Variants in ADCY9 observed in about 807,000 individuals in gnomAD.
ADCY9 encodes the protein adenylate cyclase type 9.
ADCY9 carries 50 observed loss-of-function variants against 101.5 expected under a neutral mutation model. The observed-to-expected ratio is 0.49, with a 90% confidence interval of 0.39 to 0.62. The LOEUF (loss-of-function observed/expected upper bound fraction) is 0.62, where lower values mean the gene tolerates loss of function less well. ADCY9 is among the 20% of genes least tolerant of loss of function. The pLI, the probability that ADCY9 is intolerant of heterozygous loss-of-function variation, is 0.00. For synonymous variants in ADCY9, 905 were observed against 769.3 expected, an observed-to-expected ratio of 1.18 and a Z score of -2.92; for missense variants, 1,662 against 1,800.4, an observed-to-expected ratio of 0.92 and a Z score of 1.39.
At chr16:4,083,028 C>T (rs1052155856) in intron 2 of ADCY9, among the ~76,000 whole-genome samples, 2 of 152,144 alleles carry the variant, frequency 1.3e-5, no homozygotes, top group African/African-American at 4.8e-5. Flanking sequence ...AAGACATCTC[C>T]CACGTGGCAA....
chr16:4,006,054 G>T (rs893775558), intron 3 of ADCY9, among the ~76,000 whole-genome samples: 1 of 152,144 alleles, frequency 6.6e-6, no homozygotes, highest in Non-Finnish European at 1.5e-5. Context: ...TTACACATGT[G>T]CCAAGAGTAC....
intron 2 of ADCY9, among the ~76,000 whole-genome samples, chr16:4,065,277 A>C (rs1435077233): frequency 6.6e-6 from 1 of 152,194 alleles, no homozygotes; most frequent in Non-Finnish European, 1.5e-5. Flanking sequence ...TGCCCCGAAC[A>C]CGTGCATGCT....
At chr16:4,029,090 A>C (rs1222642201) in intron 2 of ADCY9, among the ~76,000 whole-genome samples, 1 of 152,058 alleles carries the variant, frequency 6.6e-6, no homozygotes. Flanking sequence ...GCCTAGCTAT[A>C]TATTTTTTAA....
intron 8 of ADCY9, among the ~76,000 whole-genome samples, chr16:3,978,401 C>T (rs2056111419): frequency 6.6e-6 from 1 of 152,216 alleles, no homozygotes; most frequent in Non-Finnish European, 1.5e-5. Flanking sequence ...TCCCTCTCCA[C>T]GGAGTTTAGC....
intron 2 of ADCY9, among the ~76,000 whole-genome samples, chr16:4,093,198 T>C (rs1016724933): frequency 2.0e-5 from 3 of 152,242 alleles, no homozygotes; most frequent in African/African-American, 7.2e-5. Flanking sequence ...GAAAATCCTC[T>C]GCTCTTCAGA....
Position 3,965,390 on chromosome 16 carries a change from T to C in ADCY9, c.*385A>G, listed in dbSNP as rs1393812680. ...CCAGAGAACCGAAAATAGTGTCTCG[T>C]GGGACGTGGGAAAAAGCAATAAAAA... On this transcript the variant is annotated 3_prime_UTR_variant, in exon 11 of 11. Transcript: ENST00000294016. 1 of 244,810 alleles carries C rather than the reference T, an allele frequency of 4.1e-6. No homozygotes were observed. Among genetic ancestry groups the C allele is most frequent in the Non-Finnish European group, 7.9e-6 (1 of 126,556 alleles). The allele number at this position is 244,810 out of a possible 1,614,324, so 15.2% of individuals were successfully genotyped here.
chr16:4,103,207 T>C (rs2057055089), intron 2 of ADCY9, among the ~76,000 whole-genome samples: 1 of 152,224 alleles, frequency 6.6e-6, no homozygotes, highest in African/African-American at 2.4e-5. Context: ...TGAGAATGCG[T>C]GTTTGGGTGG....
intron 2 of ADCY9, among the ~76,000 whole-genome samples, chr16:4,055,560 G>A (rs1272479771): frequency 6.6e-6 from 1 of 151,508 alleles, no homozygotes. Context: ...AAGGCCAGAC[G>A]CGGTGGCTCA....
At chr16:4,044,121 C>T (rs1047163559) in intron 2 of ADCY9, among the ~76,000 whole-genome samples, 3 of 151,984 alleles carry the variant, frequency 2.0e-5, no homozygotes, top group African/African-American at 4.8e-5. Flanking sequence ...CCCAGGTGGG[C>T]GGATCACCTG....
chr16:4,004,241 C>A (rs930654505), intron 3 of ADCY9, among the ~76,000 whole-genome samples: 1 of 126,456 alleles, frequency 7.9e-6, no homozygotes, highest in Non-Finnish European at 1.6e-5. Context: ...AGAGCGAGAT[C>A]CCATCTCTTT....
At chr16:4,101,903 G>A (rs1021140608) in intron 2 of ADCY9, among the ~76,000 whole-genome samples, 1 of 152,138 alleles carries the variant, frequency 6.6e-6, no homozygotes, top group African/African-American at 2.4e-5. Flanking sequence ...CTGAACCCCC[G>A]AGGGTTTTCA....
chr16:4,099,564 T>A (rs2057029381), intron 2 of ADCY9, among the ~76,000 whole-genome samples: 1 of 152,178 alleles, frequency 6.6e-6, no homozygotes, highest in Non-Finnish European at 1.5e-5. Context: ...TAAAAGGGTA[T>A]GAAAGTTATC....
chr16:4,003,207 G>C (rs994778895), intron 3 of ADCY9, among the ~76,000 whole-genome samples: 1 of 152,188 alleles, frequency 6.6e-6, no homozygotes, highest in Admixed American at 6.5e-5. Flanking sequence ...ACGGCCGAGA[G>C]CATCCAACCC....
At chr16:4,027,442 G>A (rs905228842) in intron 2 of ADCY9, among the ~76,000 whole-genome samples, 1 of 152,190 alleles carries the variant, frequency 6.6e-6, no homozygotes, top group Non-Finnish European at 1.5e-5. Context: ...GGGTAATTAC[G>A]AAGGAAAGGT....
Position 3,992,916 on chromosome 16 carries a change from G to A in ADCY9, c.1989+490C>T, listed in dbSNP as rs185757188. Among the ~76,000 whole-genome samples, 5 of 152,200 alleles carry A rather than the reference G, an allele frequency of 3.3e-5. No homozygotes were observed. The highest frequency in any genetic ancestry group is 6.5e-5 in the Admixed American group (1 of 15,286). On this transcript the variant is annotated intron_variant, in intron 4 of 10. Transcript: ENST00000294016. This position sits in a 1 kb window ranked among gnomAD's most constrained non-coding sequence, Gnocchi z 4.2. Reference sequence around the variant, plus strand: ...CGAGAGCCCGCGCCCCAGGTGAGTCGCCTGCATGAGCCCCCGCCGACAGGC... The same window carrying A: ...CGAGAGCCCGCGCCCCAGGTGAGTCACCTGCATGAGCCCCCGCCGACAGGC...
intron 2 of ADCY9, among the ~76,000 whole-genome samples, chr16:4,049,213 C>T (rs549608508): frequency 1.3e-5 from 2 of 152,326 alleles, no homozygotes; most frequent in East Asian, 1.9e-4. Flanking sequence ...CCACGCACAG[C>T]GTGGGCATCC....
At chr16:4,002,113 A>G (rs1321444852) in intron 3 of ADCY9, among the ~76,000 whole-genome samples, 1 of 152,178 alleles carries the variant, frequency 6.6e-6, no homozygotes, top group Admixed American at 6.5e-5. Context: ...TAATGCACCC[A>G]TTTAAAGTAT....
intron 2 of ADCY9, among the ~76,000 whole-genome samples, chr16:4,019,333 G>C (rs1293262103): frequency 6.6e-6 from 1 of 152,106 alleles, no homozygotes; most frequent in African/African-American, 2.4e-5. Flanking sequence ...CATAAGTTGA[G>C]AGCAGGTCCA....
rs577045938 is a variant in ADCY9 at position 3,995,838 on chromosome 16, C to A, written c.1885-2328G>T. ...TAGTTTGGGAATCTGATGTAACATA[C>A]AAGCTAAATTTGAACATTTGTATGC... On this transcript the variant is annotated intron_variant, in intron 3 of 10. Transcript: ENST00000294016. Among the ~76,000 whole-genome samples, 12 of 152,238 alleles carry A rather than the reference C, an allele frequency of 7.9e-5. No individual in the cohort carries two copies. The South Asian group carries it at 2.3e-3, about 29-fold the overall frequency.
Sources: gnomAD v4.1 joint callset for allele counts (sites outside exome capture counted in the v4.1 genomes callset) on GRCh38, gnomAD v4.1.1 for gene constraint, Gnocchi (gnomAD v3.1) non-coding constraint, MANE v1.5 for transcripts, NCBI Gene and HGNC (gene_info 2026-07-23, HGNC 2026-07-21) for gene names.